WDR7: variants seen among roughly 807,000 people sequenced by gnomAD.
WDR7 encodes the protein WD repeat domain 7, also known as WD repeat-containing protein 7.
Under a neutral mutation model 169.4 loss-of-function variants are expected in WDR7, and 46 were observed. The ratio of observed to expected loss-of-function variants is 0.27; its 90% confidence interval spans 0.21 to 0.35. The LOEUF (loss-of-function observed/expected upper bound fraction) is 0.35. WDR7 is among the 10% of genes least tolerant of loss of function. The pLI, the probability that WDR7 is intolerant of heterozygous loss-of-function variation, is 1.00. For synonymous variants in WDR7, 612 were observed against 666.8 expected, an observed-to-expected ratio of 0.92 and a Z score of 1.27; for missense variants, 1,534 against 1,859.3, an observed-to-expected ratio of 0.83 and a Z score of 3.22.
At chr18:56,955,904 G>A (rs889225906) in intron 25 of WDR7, among the ~76,000 whole-genome samples, 1 of 152,082 alleles carries the variant, frequency 6.6e-6, no homozygotes, top group Non-Finnish European at 1.5e-5. Context: ...AGGCAATAAG[G>A]AACCTGTTTC....
chr18:57,001,047 AAGAGAGAGAGAGAGAGAG>A (rs10536689), intron 26 of WDR7, among the ~76,000 whole-genome samples: 174 of 129,492 alleles, frequency 1.3e-3, no homozygotes, highest in Non-Finnish European at 2.4e-3. Context: ...ATCTCTACAA[AAGAGAGAGAGAGAGAGAG>A]AGAGAGAGAG....
intron 19 of WDR7, among the ~76,000 whole-genome samples, chr18:56,805,620 C>T (rs931359142): frequency 6.6e-6 from 1 of 152,002 alleles, no homozygotes; most frequent in Non-Finnish European, 1.5e-5. Context: ...AATTCCTGAA[C>T]TATTCTGATG....
chr18:56,965,698 G>A (rs1047099490), intron 26 of WDR7, among the ~76,000 whole-genome samples: 28 of 152,030 alleles, frequency 1.8e-4, no homozygotes, highest in African/African-American at 6.5e-4. Flanking sequence ...CTGTTTTGTG[G>A]TCCACAAGCC....
At chr18:56,758,621 C>T (rs1435182611) in intron 15 of WDR7, among the ~76,000 whole-genome samples, 1 of 151,682 alleles carries the variant, frequency 6.6e-6, no homozygotes, top group African/African-American at 2.4e-5. Flanking sequence ...GAAAATATTT[C>T]TTAAACTAAT....
intron 20 of WDR7, among the ~76,000 whole-genome samples, chr18:56,864,119 G>A (rs1341142661): frequency 1.3e-5 from 2 of 151,542 alleles, no homozygotes; most frequent in Non-Finnish European, 3.0e-5. Context: ...TTTATGTTGT[G>A]CTCTTGAGAG....
chr18:56,725,424 T>C (rs2026425868), intron 13 of WDR7, among the ~76,000 whole-genome samples: 2 of 151,982 alleles, frequency 1.3e-5, no homozygotes, highest in Admixed American at 1.3e-4. Flanking sequence ...CATTTTTTCA[T>C]GTGTCTGTTG....
intron 19 of WDR7, among the ~76,000 whole-genome samples, chr18:56,808,005 G>A (rs1445480498): frequency 6.6e-6 from 1 of 152,284 alleles, no homozygotes; most frequent in East Asian, 1.9e-4. Context: ...GAAAGCAAAA[G>A]GTTATCTTTC....
chr18:56,681,414 C>G, intron 4 of WDR7, 23 bp downstream of exon 4: 1 of 1,468,348 alleles, frequency 6.8e-7, no homozygotes, highest in Non-Finnish European at 9.2e-7. Flanking sequence ...TTCTGTGACT[C>G]TAAGTACAAA....
At chr18:56,776,952 G>A (rs2044251521) in intron 17 of WDR7, 72 bp downstream of exon 17, 1 of 1,345,382 alleles carries the variant, frequency 7.4e-7, no homozygotes, top group Non-Finnish European at 1.1e-6. Flanking sequence ...CTTTTTATCT[G>A]AGTTACACAT....
chr18:56,731,819 C>T (rs181283090), intron 14 of WDR7, among the ~76,000 whole-genome samples: 19 of 152,138 alleles, frequency 1.2e-4, no homozygotes, highest in Non-Finnish European at 1.8e-4. Flanking sequence ...TAAATTCTTC[C>T]GACTGAATTA....
chr18:56,712,014 A>G (rs889646292), intron 12 of WDR7, among the ~76,000 whole-genome samples: 1 of 152,206 alleles, frequency 6.6e-6, no homozygotes, highest in Non-Finnish European at 1.5e-5. Context: ...TTTAGCGACT[A>G]TTCAGGCCAA....
At chr18:56,653,477 GA>G (rs1349888246) in intron 1 of WDR7, among the ~76,000 whole-genome samples, 1 of 152,202 alleles carries the variant, frequency 6.6e-6, no homozygotes, top group East Asian at 1.9e-4. Context: ...AAAGTGCTGG[GA>G]TTACAGGTGT....
At chr18:56,966,202 T>G (rs1160749804) in intron 26 of WDR7, among the ~76,000 whole-genome samples, 1 of 152,070 alleles carries the variant, frequency 6.6e-6, no homozygotes, top group Admixed American at 6.5e-5. Flanking sequence ...CATGGAAAAT[T>G]GCAGTTGACC....
chr18:56,706,239 A>T (rs934928259), intron 12 of WDR7, among the ~76,000 whole-genome samples: 1 of 152,278 alleles, frequency 6.6e-6, no homozygotes, highest in African/African-American at 2.4e-5. Flanking sequence ...GAAAAAAAGA[A>T]CAAACAACAA....
chr18:56,926,745 A>G (rs917058631), intron 22 of WDR7, among the ~76,000 whole-genome samples: 12 of 152,226 alleles, frequency 7.9e-5, no homozygotes, highest in African/African-American at 2.9e-4. Context: ...GAGGAGTCCA[A>G]TGTAATTTTC....
chr18:56,910,837 A>G (rs2046542679), intron 21 of WDR7, among the ~76,000 whole-genome samples: 1 of 152,222 alleles, frequency 6.6e-6, no homozygotes, highest in Non-Finnish European at 1.5e-5. Context: ...TTATCTTGAA[A>G]GGATCAGCGC....
intron 25 of WDR7, among the ~76,000 whole-genome samples, chr18:56,952,267 C>G (rs937815813): frequency 6.6e-6 from 1 of 152,208 alleles, no homozygotes; most frequent in Non-Finnish European, 1.5e-5. Flanking sequence ...GCTGTGCAGT[C>G]TGGAGCACAT....
chr18:56,654,611 C>T (rs79826136), intron 1 of WDR7, among the ~76,000 whole-genome samples: 4,121 of 152,208 alleles, frequency 0.027, 168 homozygotes, highest in African/African-American at 0.093. Context: ...TGTTCCTAAT[C>T]TGTCATTTGT....
chr18:56,924,156 A>G (rs1348701459), intron 22 of WDR7, 48 bp downstream of exon 22: 3 of 1,598,572 alleles, frequency 1.9e-6, no homozygotes, highest in South Asian at 2.3e-5. Flanking sequence ...TTTTTGTTTT[A>G]GGGGTTTTTT....
Sources: allele counts gnomAD v4.1 joint callset (sites outside exome capture counted in the v4.1 genomes callset), GRCh38; gene constraint gnomAD v4.1.1; transcripts MANE v1.5; gene names NCBI Gene and HGNC (gene_info 2026-07-23, HGNC 2026-07-21).